Variants in ZNF57 observed in about 807,000 individuals in gnomAD.
ZNF57 encodes the protein zinc finger protein 424.
A neutral mutation model predicts 13.4 loss-of-function variants in ZNF57; 11 were observed. The observed-to-expected ratio is 0.82, with a 90% CI of 0.52 to 1.36. ZNF57 has a LOEUF of 1.36. Among genes scored for constraint, ZNF57 ranks in the 40% most tolerant of loss-of-function variants. ZNF57 has a pLI of 0.00. For synonymous variants in ZNF57, 224 were observed against 238.5 expected (o/e 0.94, Z 0.56); for missense variants, 696 against 667.5 (o/e 1.04, Z -0.47).
intron 1 of ZNF57, among the ~76,000 whole-genome samples, chr19:2,905,756 C>A (rs2088069836): frequency 1.1e-5 from 1 of 87,664 alleles, no homozygotes; most frequent in Admixed American, 1.3e-4. Flanking sequence ...CAGAGCAAGA[C>A]TCTGTCTCAA....
At chr19:2,915,875 G>A (rs775895557) in intron 2 of ZNF57, 207 of 903,670 alleles carry the variant, frequency 2.3e-4, no homozygotes, top group Non-Finnish European at 3.4e-4. Flanking sequence ...CATTAGTAGG[G>A]GTATAGATTT....
intron 1 of ZNF57, among the ~76,000 whole-genome samples, chr19:2,902,764 C>A (rs2088040394): frequency 6.6e-6 from 1 of 152,124 alleles, no homozygotes; most frequent in South Asian, 2.1e-4. Flanking sequence ...TTCACTGATC[C>A]ATCATCTGTT....
At chr19:2,901,501 G>A (rs1221661286) in intron 1 of ZNF57, among the ~76,000 whole-genome samples, 1 of 148,624 alleles carries the variant, frequency 6.7e-6, no homozygotes, top group Non-Finnish European at 1.5e-5. Context: ...AGGGTGATGG[G>A]ATTATTATTG....
Position 2,916,106 on chromosome 19 carries a change from G to A in ZNF57, c.159G>A (p.Gly53=). The A allele has an allele frequency of 1.2e-6, 2 of 1,610,834 alleles. No individual in the cohort carries two copies. Among genetic ancestry groups the A allele is most frequent in the Non-Finnish European group, 1.7e-6 (2 of 1,179,192 alleles). ...ATGGGACTCAATTTAAAGCCAATGGGTCAGTTTCTCTGCAGGATATGTACG... is the reference window on the plus strand; with the variant it reads ...ATGGGACTCAATTTAAAGCCAATGGATCAGTTTCTCTGCAGGATATGTACG... ...VDDGTQFKAN[G]SVSLQDMYGQ... is the part of the protein sequence containing the mutation. Residue 53 remains glycine (G), a synonymous_variant, in exon 3 of 4, where the codon GGG becomes GGA. Coordinates refer to ENST00000306908, the MANE Select transcript of ZNF57 (RefSeq NM_173480.3).
At position 2,915,560 on chromosome 19, in the gene ZNF57, C is replaced by T. The variant is rs2088183649; in HGVS notation, c.42C>T (p.Thr14=). Residue 14 remains threonine, a synonymous_variant, in exon 2 of 4, where the codon ACC becomes ACT. Transcript: ENST00000306908. ...TTGAGGATGTGGCTGTGGACTTCAC[C>T]CTGGAGGAGTGGGCTTTGCTGGATT... is the stretch of plus-strand genomic sequence containing the variant. ...VVFEDVAVDF[T]LEEWALLDSA... is the part of the protein sequence containing the mutation. 4 of 1,614,014 alleles carry T rather than the reference C, an allele frequency of 2.5e-6. No individual in the cohort carries two copies. The East Asian group carries it at 8.9e-5, about 36-fold the overall frequency.
At chr19:2,903,056 C>T (rs1168670143) in intron 1 of ZNF57, among the ~76,000 whole-genome samples, 1 of 152,150 alleles carries the variant, frequency 6.6e-6, no homozygotes, top group Non-Finnish European at 1.5e-5. Flanking sequence ...CCTCCTGCCT[C>T]GTAGAACAGC....
chr19:2,917,931 A>G lies in ZNF57; in HGVS notation c.1310A>G (p.Glu437Gly). 1 of 1,613,578 alleles carries G rather than the reference A, an allele frequency of 6.2e-7. No homozygotes were observed. Among genetic ancestry groups the G allele is most frequent in the East Asian group, 2.2e-5 (1 of 44,826 alleles). ...TTCACTTGGTCCTCAACGTTTAGAGAACATGTGAGAATTCACACGCAAGAG... is the reference window on the plus strand; with the variant it reads ...TTCACTTGGTCCTCAACGTTTAGAGGACATGTGAGAATTCACACGCAAGAG... ...KTFTWSSTFR[E>G]HVRIHTQEQL... is the part of the protein sequence containing the mutation. The change falls in exon 4 of 4, where the codon GAA (glutamate) becomes GGA (glycine). Residue 437 changes from glutamate (E) to glycine (G), a missense_variant. By Grantham distance (98) the Glu-to-Gly change is moderately conservative. Transcript: ENST00000306908.
Position 2,918,179 on chromosome 19 carries a change from C to A in ZNF57, c.1558C>A (p.Arg520=), listed in dbSNP as rs374953296. Residue 520 remains arginine, a synonymous_variant, in exon 4 of 4, where the codon CGG becomes AGG. Coordinates refer to ENST00000306908, the MANE Select transcript of ZNF57 (RefSeq NM_173480.3). ...GTCCTTCAAGTGGCACTCCTCCTTC[C>A]GGAACCATCTGAGGATGCACACAGG... The part of the protein sequence containing the change: ...GMSFKWHSSF[R]NHLRMHTGQK... The A allele has an allele frequency of 7.4e-6, 12 of 1,614,184 alleles. No individual in the cohort carries two copies. The highest frequency in any genetic ancestry group is 1.6e-4 in the Middle Eastern group (1 of 6,062).
intron 1 of ZNF57, among the ~76,000 whole-genome samples, chr19:2,914,002 T>G (rs2088165639): frequency 6.6e-6 from 1 of 152,142 alleles, no homozygotes; most frequent in African/African-American, 2.4e-5. Context: ...TAGCAAAGGG[T>G]CTCTTTTACA....
chr19:2,903,212 G>T (rs2088043773), intron 1 of ZNF57, among the ~76,000 whole-genome samples: 1 of 152,162 alleles, frequency 6.6e-6, no homozygotes, highest in Non-Finnish European at 1.5e-5. Context: ...TTTAGTTTAT[G>T]CTTTAAGTGT....
Position 2,917,429 on chromosome 19 carries a change from C to G in ZNF57, c.808C>G (p.His270Asp). Residue 270 changes from histidine to aspartate, a missense_variant, in exon 4 of 4, where the codon CAC becomes GAC. His to Asp is a moderately conservative substitution (Grantham distance 81). Transcript: ENST00000306908. ...AFIYPSTFQR[H>D]MTTHTGEKPY... is the part of the protein sequence containing the mutation. ...CATTTATCCCTCGACATTTCAAAGA[C>G]ACATGACAACACACACTGGAGAGAA... 1 of 1,614,186 alleles carries G rather than the reference C, an allele frequency of 6.2e-7. No homozygotes were observed. Among genetic ancestry groups the G allele is most frequent in the Non-Finnish European group, 8.5e-7 (1 of 1,180,044 alleles).
At position 2,917,437 on chromosome 19, in the gene ZNF57, AAC is replaced by A; in HGVS notation, c.823_824del (p.Thr275TrpfsTer6). The A allele has an allele frequency of 2.5e-6, 4 of 1,614,208 alleles. No individual in the cohort carries two copies. Among genetic ancestry groups the A allele is most frequent in the South Asian group, 1.1e-5 (1 of 91,080 alleles). On this transcript the variant is annotated frameshift_variant, in exon 4 of 4. Coordinates refer to ENST00000306908, the MANE Select transcript of ZNF57 (RefSeq NM_173480.3). LOFTEE classifies it low-confidence loss of function (END_TRUNC). Reference sequence around the variant, plus strand: ...CCTCGACATTTCAAAGACACATGACAACACACACTGGAGAGAAGCCCTATAAA... The same window carrying A: ...CCTCGACATTTCAAAGACACATGACAACACACTGGAGAGAAGCCCTATAAA... ...YPSTFQRHMT[T>X]HTGEKPYKCQ...
chr19:2,903,443 CT>C (rs1463637499), intron 1 of ZNF57, among the ~76,000 whole-genome samples: 1 of 152,030 alleles, frequency 6.6e-6, no homozygotes, highest in Non-Finnish European at 1.5e-5. Flanking sequence ...AACTCCTGAC[CT>C]TAAGTGATCC....
chr19:2,907,734 G>A (rs1250692686), intron 1 of ZNF57, among the ~76,000 whole-genome samples: 4 of 152,180 alleles, frequency 2.6e-5, no homozygotes, highest in African/African-American at 9.7e-5. Context: ...GTCTCATTAA[G>A]AGAGGATCTC....
At chr19:2,901,953 T>C (rs915276205) in intron 1 of ZNF57, among the ~76,000 whole-genome samples, 2 of 151,908 alleles carry the variant, frequency 1.3e-5, no homozygotes, top group Non-Finnish European at 2.9e-5. Context: ...GCTTGGGGGA[T>C]GTATTGTCAC....
In ZNF57 at chr19:2,905,414, CCCCCT is replaced by C. The variant is rs1031022796; in HGVS notation, c.3+4368_3+4372del. Among the ~76,000 whole-genome samples the C allele has an allele frequency of 9.5e-5, 7 of 73,554 alleles. 2 individuals are homozygous for C. Among genetic ancestry groups the C allele is most frequent in the South Asian group, 8.9e-4 (2 of 2,246 alleles). The allele number at this position is 73,554 out of a possible 152,430, so 48.3% of individuals were successfully genotyped here. ...TCTTGACTTCAGGTGATCGCCCCCC[CCCCCT>C]CGGCATTCCAAAGTATTTGCATTAC... is the stretch of plus-strand genomic sequence containing the variant. On this transcript the variant is annotated intron_variant, in intron 1 of 3. Transcript: ENST00000306908.
intron 1 of ZNF57, among the ~76,000 whole-genome samples, chr19:2,912,662 C>A (rs2088149846): frequency 1.3e-5 from 2 of 152,182 alleles, no homozygotes; most frequent in African/African-American, 2.4e-5. Context: ...GGAATAATAA[C>A]TTCCAAGCTC....
At chr19:2,914,101 T>C (rs1041407996) in intron 1 of ZNF57, among the ~76,000 whole-genome samples, 2 of 152,228 alleles carry the variant, frequency 1.3e-5, no homozygotes, top group African/African-American at 2.4e-5. Context: ...AAATGACTTA[T>C]AGTGTTCAAT....
intron 1 of ZNF57, among the ~76,000 whole-genome samples, chr19:2,903,507 C>T (rs1228918588): frequency 4.0e-5 from 6 of 151,796 alleles, no homozygotes; most frequent in Non-Finnish European, 8.8e-5. Flanking sequence ...CCACCGCGCC[C>T]GGCCTGGATT....
Sources: allele counts gnomAD v4.1 joint callset (sites outside exome capture counted in the v4.1 genomes callset), GRCh38; gene constraint gnomAD v4.1.1; transcripts MANE v1.5; gene names NCBI Gene and HGNC (gene_info 2026-07-23, HGNC 2026-07-21).